Variants in ZNF138 observed in about 807,000 individuals in gnomAD.
ZNF138 encodes zinc finger protein 138 (clone pHZ-32).
In ZNF138, 33 loss-of-function variants were observed where a neutral mutation model predicts 33.0. The observed-to-expected ratio is 1.00, with a 90% CI of 0.76 to 1.34. ZNF138 has a LOEUF of 1.34. Among genes scored for constraint, ZNF138 ranks in the 40% most tolerant of loss-of-function variants. The probability of loss-of-function intolerance (pLI) is 0.00; values close to 1 mark genes in which losing one functional copy is unlikely to be tolerated. For synonymous variants in ZNF138, 139 were observed against 120.4 expected, an observed-to-expected ratio of 1.15 and a Z score of -1.01; for missense variants, 360 against 370.8, an observed-to-expected ratio of 0.97 and a Z score of 0.24.
In ZNF138 at chr7:64,832,295, TACA is replaced by T. The variant is rs1790155926; in HGVS notation, c.*94_*96del. On this transcript the variant is annotated 3_prime_UTR_variant, in exon 4 of 4. Coordinates refer to ENST00000307355, the MANE Select transcript of ZNF138 (RefSeq NM_001271639.2). ...CCTTTAACCAGTTTTCAACCCTTATTACACATAAGATAATTCATAGCGGAGAGA... is the reference window on the plus strand; with the variant it reads ...CCTTTAACCAGTTTTCAACCCTTATTCATAAGATAATTCATAGCGGAGAGA... 6.3e-7 allele frequency: 1 copy of T among 1,587,538 alleles called. No homozygotes were observed. The highest frequency in any genetic ancestry group is 1.4e-5 in the African/African-American group (1 of 73,892).
intron 1 of ZNF138, among the ~76,000 whole-genome samples, chr7:64,801,549 T>C (rs1243265779): frequency 6.6e-6 from 1 of 152,194 alleles, no homozygotes; most frequent in Non-Finnish European, 1.5e-5. Context: ...TTTGGGATGT[T>C]TGAAATTGCT....
Position 64,831,662 on chromosome 7 carries a change from A to G in ZNF138, c.420A>G (p.Gln140=), listed in dbSNP as rs745931171. 5 of 1,608,652 alleles carry G rather than the reference A, an allele frequency of 3.1e-6. No individual in the cohort carries two copies. The highest frequency in any genetic ancestry group is 3.4e-5 in the Admixed American group (2 of 58,946). Residue 140 remains glutamine, a synonymous_variant, in exon 4 of 4, where the codon CAA becomes CAG. Transcript: ENST00000307355. ...CLKITTSKIF[Q]CNKYVKVMHK... is the part of the protein sequence containing the mutation. Reference sequence around the variant, plus strand: ...AAATTACCACAAGCAAAATATTTCAATGTAATAAATATGTAAAAGTCATGC... The same window carrying G: ...AAATTACCACAAGCAAAATATTTCAGTGTAATAAATATGTAAAAGTCATGC...
At chr7:64,842,166 C>G in the ZNF138 span, among the ~76,000 whole-genome samples, 2 of 152,154 alleles carry the variant, frequency 1.3e-5, no homozygotes. Flanking sequence ...TGGGTGCAAG[C>G]AATGCTCCTG....
chr7:64,823,756 G>A (rs1432319226), intron 3 of ZNF138, among the ~76,000 whole-genome samples: 1 of 152,136 alleles, frequency 6.6e-6, no homozygotes, highest in Non-Finnish European at 1.5e-5. Flanking sequence ...TGGCCAATAT[G>A]GTGAAACCTC....
chr7:64,830,938 A>C (rs1354238750), intron 3 of ZNF138: 1 of 1,550,056 alleles, frequency 6.5e-7, no homozygotes, highest in Non-Finnish European at 8.7e-7. Context: ...GTCTCTTTGC[A>C]GCTGTAGCAT....
downstream of ZNF138, among the ~76,000 whole-genome samples, chr7:64,834,479 GA>G (rs1562930754): frequency 6.6e-6 from 1 of 152,074 alleles, no homozygotes; most frequent in Non-Finnish European, 1.5e-5. Context: ...TATTTTTGCA[GA>G]GTTACAATTA....
intron 1 of ZNF138, among the ~76,000 whole-genome samples, chr7:64,798,169 G>C (rs1300981976): frequency 6.6e-6 from 1 of 152,190 alleles, no homozygotes; most frequent in Non-Finnish European, 1.5e-5. Context: ...TCAAACTCCT[G>C]ACCTCAGGTG....
chr7:64,859,454 A>G, the ZNF138 span, among the ~76,000 whole-genome samples: 2 of 152,324 alleles, frequency 1.3e-5, no homozygotes, highest in Non-Finnish European at 1.5e-5. Context: ...CAAAAAACAG[A>G]AAGTATATTT....
intron 1 of ZNF138, among the ~76,000 whole-genome samples, chr7:64,796,074 T>C (rs1475745679): frequency 6.6e-6 from 1 of 152,236 alleles, no homozygotes; most frequent in African/African-American, 2.4e-5. Context: ...CCAGTGTCCA[T>C]TTCCGGAGAC....
At chr7:64,815,431 T>C in intron 2 of ZNF138, 145 bp from the exon 3 acceptor site, 1 of 565,260 alleles carries the variant, frequency 1.8e-6, no homozygotes. Flanking sequence ...TTTTCTGTTA[T>C]ATATTAGCAT....
intron 1 of ZNF138, 55 bp downstream of exon 1, chr7:64,794,626 G>A (rs1786539866): frequency 1.9e-6 from 3 of 1,611,458 alleles, no homozygotes; most frequent in East Asian, 4.5e-5. Flanking sequence ...GGTTGGAACC[G>A]GTCGGAAGTG....
At chr7:64,828,922 A>G (rs1402162627) in intron 3 of ZNF138, among the ~76,000 whole-genome samples, 2 of 152,186 alleles carry the variant, frequency 1.3e-5, no homozygotes, top group African/African-American at 2.4e-5. Flanking sequence ...TACATTGAGC[A>G]GTATGGATAT....
intron 2 of ZNF138, among the ~76,000 whole-genome samples, 198 bp downstream of exon 2, chr7:64,815,242 A>C (rs1263092185): frequency 6.6e-6 from 1 of 152,070 alleles, no homozygotes; most frequent in Non-Finnish European, 1.5e-5. Flanking sequence ...AACTTTCCAC[A>C]TTTCTGAGCT....
chr7:64,798,453 T>C (rs1307164638), intron 1 of ZNF138, among the ~76,000 whole-genome samples: 1 of 152,082 alleles, frequency 6.6e-6, no homozygotes. Flanking sequence ...AAAAAGAAAA[T>C]CTTATACATA....
At chr7:64,815,740 T>C in intron 3 of ZNF138, 87 bp downstream of exon 3, 2 of 1,235,314 alleles carry the variant, frequency 1.6e-6, no homozygotes, top group Non-Finnish European at 2.3e-6. Context: ...TTTGGAAATC[T>C]GTATTCCAAA....
intron 1 of ZNF138, among the ~76,000 whole-genome samples, chr7:64,810,055 T>G: frequency 2.6e-5 from 2 of 76,388 alleles, no homozygotes; most frequent in Admixed American, 1.4e-4. Context: ...CCAGACAGGG[T>G]GGCGGCCGGG....
Position 64,832,113 on chromosome 7 carries a change from T to A in ZNF138, c.871T>A (p.Ser291Thr). ...ACAATGTGGCAAGGTCTTTAAGCAG[T>A]CCCCAACCCTTACTAAACATCAGAT... ...CEQCGKVFKQSPTLTKHQIIY... is the reference protein window; with the variant it reads ...CEQCGKVFKQTPTLTKHQIIY... Residue 291 changes from serine to threonine, a missense_variant, in exon 4 of 4, where the codon TCC becomes ACC. Ser to Thr is a moderately conservative substitution (Grantham distance 58). Transcript: ENST00000307355. 6.2e-7 allele frequency: 1 copy of A among 1,613,224 alleles called. No homozygotes were observed. The highest frequency in any genetic ancestry group is 8.5e-7 in the Non-Finnish European group (1 of 1,179,814).
intron 1 of ZNF138, among the ~76,000 whole-genome samples, chr7:64,808,252 T>G (rs1314772183): frequency 6.6e-6 from 1 of 152,188 alleles, no homozygotes; most frequent in African/African-American, 2.4e-5. Context: ...ATGTCTTTGG[T>G]TGGTACCCAG....
chr7:64,799,546 A>G (rs1335316771), intron 1 of ZNF138, among the ~76,000 whole-genome samples: 1 of 152,146 alleles, frequency 6.6e-6, no homozygotes, highest in Non-Finnish European at 1.5e-5. Flanking sequence ...GTGTTTTGTA[A>G]TTCTTGTAGA....
Sources: allele counts gnomAD v4.1 joint callset (sites outside exome capture counted in the v4.1 genomes callset), GRCh38; gene constraint gnomAD v4.1.1; transcripts MANE v1.5; gene names NCBI Gene and HGNC (gene_info 2026-07-23, HGNC 2026-07-21).